Variants in PPFIA2 observed in about 807,000 individuals in gnomAD.
The protein encoded by PPFIA2 is liprin-alpha-2.
In PPFIA2, 46 loss-of-function variants were observed where a neutral mutation model predicts 175.5. The ratio of observed to expected loss-of-function variants is 0.26; its 90% CI spans 0.21 to 0.34. The LOEUF (loss-of-function observed/expected upper bound fraction) is 0.34. PPFIA2 is among the 10% of genes least tolerant of loss of function. The probability of loss-of-function intolerance (pLI) is 1.00; values close to 1 mark genes in which losing one functional copy is unlikely to be tolerated. For synonymous variants in PPFIA2, 568 were observed against 511.4 expected (o/e 1.11, Z -1.49); for missense variants, 1,179 against 1,506.1 (o/e 0.78, Z 3.60).
chr12:81,428,431 T>C (rs1247713435), intron 7 of PPFIA2, among the ~76,000 whole-genome samples: 1 of 152,036 alleles, frequency 6.6e-6, no homozygotes, highest in African/African-American at 2.4e-5. Context: ...CTATCTTCTT[T>C]GTTGGATTTT....
At chr12:81,363,544 G>T (rs1326966046) in intron 14 of PPFIA2, among the ~76,000 whole-genome samples, 1 of 151,548 alleles carries the variant, frequency 6.6e-6, no homozygotes, top group African/African-American at 2.4e-5. Context: ...TGTTTTACAG[G>T]TCTAAATGTA....
chr12:81,572,429 A>G (rs1261869464), intron 4 of PPFIA2, among the ~76,000 whole-genome samples: 1 of 152,028 alleles, frequency 6.6e-6, no homozygotes, highest in African/African-American at 2.4e-5. Flanking sequence ...TTCATTTTAC[A>G]TGTAAAGACA....
chr12:81,392,394 AGG>A (rs1332152936), intron 8 of PPFIA2, among the ~76,000 whole-genome samples: 9 of 151,902 alleles, frequency 5.9e-5, no homozygotes, highest in African/African-American at 1.9e-4. Context: ...TAAAGGTGTC[AGG>A]CAAGCTATTG....
chr12:81,730,543 C>CTCCCATGATCCAATTACCTCAACCTGG (rs2080744811), intron 3 of PPFIA2, among the ~76,000 whole-genome samples: 1 of 151,588 alleles, frequency 6.6e-6, no homozygotes. Flanking sequence ...GGGGAAACCA[C>CTCCCATGATCCAATTACCTCAACCTGG]TCCCATGATC....
intron 4 of PPFIA2, chr12:81,598,323 G>A (rs778471066): frequency 5.2e-6 from 6 of 1,164,594 alleles, no homozygotes; most frequent in African/African-American, 1.6e-5. Context: ...AACGATAAAT[G>A]GAGCTTGTGC....
At chr12:81,628,235 T>G (rs1021134219) in intron 4 of PPFIA2, among the ~76,000 whole-genome samples, 4 of 152,210 alleles carry the variant, frequency 2.6e-5, no homozygotes, top group Admixed American at 2.0e-4. Context: ...AAAGATGGAT[T>G]AAGTAACAAC....
chr12:81,366,899 C>T (rs934954422), intron 14 of PPFIA2, among the ~76,000 whole-genome samples: 3 of 151,538 alleles, frequency 2.0e-5, no homozygotes, highest in Non-Finnish European at 4.4e-5. Flanking sequence ...TTCTGAAGTG[C>T]TAATTTTTGG....
At chr12:81,294,742 T>C in intron 24 of PPFIA2, 93 bp downstream of exon 24, 2 of 1,162,892 alleles carry the variant, frequency 1.7e-6, no homozygotes, top group East Asian at 5.1e-5. Flanking sequence ...AAGCTGACAT[T>C]GAAATGTGTG....
At chr12:81,591,617 C>G (rs905667838) in intron 4 of PPFIA2, among the ~76,000 whole-genome samples, 9 of 152,086 alleles carry the variant, frequency 5.9e-5, no homozygotes, top group African/African-American at 2.2e-4. Context: ...CCAGCTACAC[C>G]AGCTGTGATT....
intron 4 of PPFIA2, among the ~76,000 whole-genome samples, chr12:81,604,282 G>A (rs1036969099): frequency 4.0e-5 from 6 of 151,706 alleles, no homozygotes; most frequent in African/African-American, 1.4e-4. Flanking sequence ...ATGGCTGAAA[G>A]CATTTCAGGA....
rs564401161 is a variant in PPFIA2 at position 81,324,251 on chromosome 12, C to T, written c.2642+1526G>A. Among the ~76,000 whole-genome samples, 10 of 152,060 alleles carry T rather than the reference C, an allele frequency of 6.6e-5. No homozygotes were observed. In the East Asian group the frequency reaches 1.7e-3, roughly 26 times the overall value. ...CAATAGTGTATAAGGTTAATGATAG[C>T]TAAACTTTAAATATGTTATTTTAAA... On this transcript the variant is annotated intron_variant, in intron 22 of 32. Coordinates refer to ENST00000549396, the MANE Select transcript of PPFIA2 (RefSeq NM_003625.5).
intron 4 of PPFIA2, among the ~76,000 whole-genome samples, chr12:81,618,708 T>A (rs1427838166): frequency 6.6e-6 from 1 of 151,830 alleles, no homozygotes; most frequent in African/African-American, 2.4e-5. Flanking sequence ...TTTTTTTGTA[T>A]TTTTTAGTAG....
At chr12:81,548,116 T>C (rs146418234) in intron 4 of PPFIA2, among the ~76,000 whole-genome samples, 9 of 152,152 alleles carry the variant, frequency 5.9e-5, no homozygotes, top group Non-Finnish European at 1.2e-4. Flanking sequence ...TTAGAAAAGA[T>C]CAGTAATTTT....
At chr12:81,595,031 T>C (rs964225315) in intron 4 of PPFIA2, among the ~76,000 whole-genome samples, 3 of 152,178 alleles carry the variant, frequency 2.0e-5, no homozygotes, top group African/African-American at 2.4e-5. Flanking sequence ...AGTGAAGGTA[T>C]TTAATTTCGA....
intron 31 of PPFIA2, among the ~76,000 whole-genome samples, 156 bp downstream of exon 31, chr12:81,263,074 TG>T (rs2136139964): frequency 6.6e-6 from 1 of 152,300 alleles, no homozygotes; most frequent in South Asian, 2.1e-4. Context: ...GCAATAGCAG[TG>T]TAAAAAGGAG....
intron 9 of PPFIA2, among the ~76,000 whole-genome samples, chr12:81,376,195 C>T (rs1289644918): frequency 1.3e-5 from 2 of 152,130 alleles, no homozygotes; most frequent in African/African-American, 4.8e-5. Flanking sequence ...TTTTGAAACT[C>T]TCTACTGTAG....
intron 21 of PPFIA2, among the ~76,000 whole-genome samples, chr12:81,332,403 T>A (rs1401309013): frequency 6.6e-6 from 1 of 152,066 alleles, no homozygotes; most frequent in Non-Finnish European, 1.5e-5. Flanking sequence ...TACCCTTTTC[T>A]CAAAGATAGG....
chr12:81,748,151 C>T lies in PPFIA2; in HGVS notation c.249+5822G>A, dbSNP rs529722110. On this transcript the variant is annotated intron_variant, in intron 3 of 32. Transcript: ENST00000549396. ...ATTCAGGACATTACCCATCCCTGAC[C>T]ATTCTTTCTCTTCAATAGTCTTTAT... Among the ~76,000 whole-genome samples, 8 of 144,134 alleles carry T rather than the reference C, an allele frequency of 5.6e-5. 1 individual carries two copies. Among genetic ancestry groups the T allele is most frequent in the African/African-American group, 9.7e-5 (4 of 41,060 alleles). 94.6% of individuals were successfully genotyped at this position (144,134 alleles called of 152,430 possible).
chr12:81,572,945 T>C (rs1430221947), intron 4 of PPFIA2, among the ~76,000 whole-genome samples: 2 of 151,696 alleles, frequency 1.3e-5, no homozygotes, highest in Non-Finnish European at 2.9e-5. Context: ...ACTTGTGTAC[T>C]AAAAAGAAGT....
Sources: gnomAD v4.1 joint callset for allele counts (sites outside exome capture counted in the v4.1 genomes callset) on GRCh38, gnomAD v4.1.1 for gene constraint, MANE v1.5 for transcripts, NCBI Gene and HGNC (gene_info 2026-07-23, HGNC 2026-07-21) for gene names.